The following CABP1 variants were observed in gnomAD, a reference collection of about 807,000 sequenced individuals.
CABP1 encodes calcium-binding protein 1.
A neutral mutation model predicts 34.3 loss-of-function variants in CABP1; 17 were observed. The ratio of observed to expected loss-of-function variants is 0.50; its 90% CI spans 0.34 to 0.74. The LOEUF is 0.74. Ranked by LOEUF, CABP1 falls within the 30% of genes least tolerant of loss-of-function variation. The pLI is 0.01. For missense variants in CABP1, 373 were observed against 511.1 expected (o/e 0.73, Z 2.61); for synonymous variants, 198 against 229.2 (o/e 0.86, Z 1.23).
intron 5 of CABP1, chr12:120,662,160 A>C (rs1430100193): frequency 6.6e-6 from 1 of 152,240 alleles, no homozygotes; most frequent in African/African-American, 2.4e-5. Flanking sequence ...GCATGCATCC[A>C]TCCACGGTAG....
chr12:120,658,843 G>C (rs1432662618), intron 1 of CABP1: 1 of 152,468 alleles, frequency 6.6e-6, no homozygotes, highest in South Asian at 2.1e-4. Flanking sequence ...TGTCCTCCCT[G>C]CCCAAAGGCA....
At chr12:120,659,075 C>T (rs1880446722) in intron 1 of CABP1, 2 of 152,198 alleles carry the variant, frequency 1.3e-5, no homozygotes, top group Admixed American at 1.3e-4. Context: ...CCTTGATTGC[C>T]CAGGAGACCT....
chr12:120,664,414 C>T (rs1349409724), intron 5 of CABP1, among the ~76,000 whole-genome samples: 1 of 152,108 alleles, frequency 6.6e-6, no homozygotes, highest in Non-Finnish European at 1.5e-5. Context: ...AGGTATTTAC[C>T]CAAATGAGTT....
chr12:120,659,962 G>T, intron 2 of CABP1, 54 bp downstream of exon 2: 1 of 1,574,010 alleles, frequency 6.4e-7, no homozygotes, highest in Non-Finnish European at 8.7e-7. Context: ...GGAAGGTGTG[G>T]GAAGGGAGGT....
chr12:120,659,992 T>TTTCCA, intron 2 of CABP1, 84 bp downstream of exon 2: 1 of 1,413,020 alleles, frequency 7.1e-7, no homozygotes, highest in Non-Finnish European at 9.9e-7. Flanking sequence ...GAGAGGCCCC[T>TTTCCA]GGAAATGGGG....
chr12:120,677,553 T>G, the CABP1 span, among the ~76,000 whole-genome samples: 1 of 151,988 alleles, frequency 6.6e-6, no homozygotes, highest in Admixed American at 6.6e-5. Context: ...TGCGCCACAA[T>G]GCTCAGCTAT....
Position 120,641,587 on chromosome 12 carries a change from C to T in CABP1, c.654+248C>T. ...GCCCTCCCCGCTAGCCTCCCTCATA[C>T]CCGCCAGAACCCGCCAGTCCTGGAA... is the stretch of plus-strand genomic sequence containing the variant. On this transcript the variant is annotated intron_variant, in intron 1 of 5. Coordinates refer to ENST00000316803, the MANE Select transcript of CABP1 (RefSeq NM_001033677.2). The surrounding 1 kb of genome is among the most constrained non-coding windows in gnomAD (Gnocchi z 6.7). The T allele has an allele frequency of 5.5e-6, 2 of 366,952 alleles. No homozygotes were observed. Among genetic ancestry groups the T allele is most frequent in the Non-Finnish European group, 9.7e-6 (2 of 207,136 alleles). The allele number at this position is 366,952 out of a possible 1,614,324, so 22.7% of individuals were successfully genotyped here.
chr12:120,655,811 A>C lies in CABP1; in HGVS notation c.655-4067A>C, dbSNP rs559473034. ...TGGGTGTGTGATTCTGTGCATATGTATGTGCCAGTGCGTGCGTGCGTGTGT... is the reference window on the plus strand; with the variant it reads ...TGGGTGTGTGATTCTGTGCATATGTCTGTGCCAGTGCGTGCGTGCGTGTGT... On this transcript the variant is annotated intron_variant, in intron 1 of 5. Coordinates refer to ENST00000316803, the MANE Select transcript of CABP1 (RefSeq NM_001033677.2). 8.3e-4 allele frequency: 1,245 copies of C among 1,508,418 alleles called. 13 individuals are homozygous for C. The South Asian group carries it at 0.014, about 17-fold the overall frequency. The allele number at this position is 1,508,418 out of a possible 1,614,324, so 93.4% of individuals were successfully genotyped here.
the CABP1 span, among the ~76,000 whole-genome samples, chr12:120,676,558 G>A: frequency 1.3e-5 from 2 of 152,016 alleles, no homozygotes; most frequent in Non-Finnish European, 2.9e-5. Context: ...CTCCTGAGTA[G>A]CTGGGATTAC....
At chr12:120,663,015 T>G (rs1463423495) in intron 5 of CABP1, among the ~76,000 whole-genome samples, 1 of 152,156 alleles carries the variant, frequency 6.6e-6, no homozygotes, top group Admixed American at 6.6e-5. Context: ...CTAAGTTCTG[T>G]TAGCCCAAGG....
At chr12:120,653,106 G>A (rs1879950247) in intron 1 of CABP1, among the ~76,000 whole-genome samples, 1 of 152,166 alleles carries the variant, frequency 6.6e-6, no homozygotes, top group African/African-American at 2.4e-5. Context: ...CTTCATGGGA[G>A]CAAATTCCTC....
the CABP1 span, among the ~76,000 whole-genome samples, chr12:120,676,474 C>A: frequency 2.6e-5 from 4 of 152,182 alleles, no homozygotes; most frequent in African/African-American, 7.2e-5. Context: ...GTTGCCCAGG[C>A]TGGAGCATGA....
At chr12:120,676,420 C>A in the CABP1 span, among the ~76,000 whole-genome samples, 10 of 150,196 alleles carry the variant, frequency 6.7e-5, no homozygotes, top group Admixed American at 2.0e-4. Context: ...CAGCTGCTTT[C>A]TTTCTTCTTC....
In CABP1 at chr12:120,642,536, G is replaced by A. The variant is rs1157071060; in HGVS notation, c.654+1197G>A. 2.0e-5 allele frequency among the ~76,000 whole-genome samples: 3 copies of A among 152,344 alleles called. No homozygotes were observed. The East Asian group carries it at 5.8e-4, about 29-fold the overall frequency. On this transcript the variant is annotated intron_variant, in intron 1 of 5. Transcript: ENST00000316803. ...GCTGTGGTGGGGCCATAGGGCAGTG[G>A]TGTGTGGCTTTGTTCCTGCAGGGAG...
the CABP1 span, among the ~76,000 whole-genome samples, chr12:120,677,724 T>C: frequency 2.0e-5 from 3 of 152,284 alleles, no homozygotes. Flanking sequence ...CTTTCTATCG[T>C]ACTCATTGCA....
intron 1 of CABP1, among the ~76,000 whole-genome samples, chr12:120,656,810 G>A (rs1269015443): frequency 3.3e-5 from 5 of 152,148 alleles, no homozygotes; most frequent in African/African-American, 1.2e-4. Context: ...CAGGAGAATC[G>A]CTTGAACCCA....
chr12:120,672,211 C>G (rs895296889), downstream of CABP1, among the ~76,000 whole-genome samples: 3 of 152,052 alleles, frequency 2.0e-5, no homozygotes, highest in Non-Finnish European at 4.4e-5. Context: ...TGCAAAAAAT[C>G]CAGGGGCAGA....
chr12:120,674,519 G>A, the CABP1 span, among the ~76,000 whole-genome samples: 1 of 152,232 alleles, frequency 6.6e-6, no homozygotes, highest in South Asian at 2.1e-4. Flanking sequence ...CTGCACTCCA[G>A]CTAATGGTTG....
intron 1 of CABP1, among the ~76,000 whole-genome samples, chr12:120,648,688 C>A (rs1158655813): frequency 6.6e-6 from 1 of 151,972 alleles, no homozygotes; most frequent in Non-Finnish European, 1.5e-5. Flanking sequence ...CAAGAGTAGC[C>A]TGTTCAACAT....
Sources: allele counts gnomAD v4.1 joint callset (sites outside exome capture counted in the v4.1 genomes callset), GRCh38; gene constraint gnomAD v4.1.1; non-coding constraint Gnocchi (gnomAD v3.1); transcripts MANE v1.5; gene names NCBI Gene and HGNC (gene_info 2026-07-23, HGNC 2026-07-21).